MCC: variants seen among roughly 807,000 people sequenced by gnomAD.
The protein encoded by MCC is MCC regulator of Wnt signaling pathway.
A neutral mutation model predicts 116.2 loss-of-function variants in MCC; 90 were observed. The ratio of observed to expected loss-of-function variants is 0.77; its 90% CI spans 0.65 to 0.92. The LOEUF is 0.92. MCC is among the 40% of genes least tolerant of loss of function. The pLI, the probability that MCC is intolerant of heterozygous loss-of-function variation, is 0.00. For missense variants in MCC, 1,516 were observed against 1,312.2 expected, an observed-to-expected ratio of 1.16 and a Z score of -2.40; for synonymous variants, 578 against 510.5, an observed-to-expected ratio of 1.13 and a Z score of -1.78.
At chr5:113,209,808 C>G (rs754709939) in intron 3 of MCC, among the ~76,000 whole-genome samples, 1 of 152,018 alleles carries the variant, frequency 6.6e-6, no homozygotes, top group African/African-American at 2.4e-5. Flanking sequence ...TTGCATTCAT[C>G]TTATTTACTC....
intron 14 of MCC, among the ~76,000 whole-genome samples, chr5:113,057,461 A>G (rs1752909203): frequency 6.6e-6 from 1 of 151,472 alleles, no homozygotes; most frequent in Non-Finnish European, 1.5e-5. Flanking sequence ...GATAAAAATG[A>G]CTACTGATCA....
At chr5:113,241,118 G>C (rs1764347514) in intron 3 of MCC, among the ~76,000 whole-genome samples, 1 of 152,166 alleles carries the variant, frequency 6.6e-6, no homozygotes, top group Non-Finnish European at 1.5e-5. Flanking sequence ...AATAAGCTCT[G>C]AGCTATATGA....
chr5:113,340,764 C>T (rs765576085), intron 2 of MCC, 34 bp from the exon 3 acceptor site: 1 of 1,572,398 alleles, frequency 6.4e-7, no homozygotes, highest in Non-Finnish European at 8.7e-7. Flanking sequence ...AATGAAAAGA[C>T]ATTTCCTTCA....
intron 2 of MCC, among the ~76,000 whole-genome samples, chr5:113,383,646 C>T (rs187056646): frequency 7.6e-4 from 115 of 151,600 alleles, no homozygotes; most frequent in African/African-American, 2.7e-3. Context: ...GCCTTTTTTT[C>T]CCCGTGTTTT....
At chr5:113,067,984 T>G (rs1753739881) in intron 13 of MCC, 96 bp downstream of exon 13, 1 of 1,050,526 alleles carries the variant, frequency 9.5e-7, no homozygotes, top group South Asian at 1.3e-5. Context: ...AATTTTGTGT[T>G]GTCGGGAGAT....
intron 1 of MCC, chr5:113,433,725 C>A: frequency 6.2e-7 from 1 of 1,603,934 alleles, no homozygotes; most frequent in Non-Finnish European, 8.5e-7. Flanking sequence ...ATTCCCTGGG[C>A]CGCAAGAAGC....
rs566714108 is a variant in MCC at position 113,156,377 on chromosome 5, C to T, written c.628-4955G>A. On this transcript the variant is annotated intron_variant, in intron 3 of 18. Coordinates refer to ENST00000408903, the MANE Select transcript of MCC (RefSeq NM_001085377.2). ...ATGATGGCATCCAGAAAGTGACTAG[C>T]AGGGTGGCTGGAACCAGGTAAGCAC... is the stretch of plus-strand genomic sequence containing the variant. 2.6e-5 allele frequency among the ~76,000 whole-genome samples: 4 copies of T among 152,286 alleles called. No homozygotes were observed. In the East Asian group the frequency reaches 7.7e-4, roughly 29 times the overall value.
At chr5:113,379,876 T>C (rs1769074180) in intron 2 of MCC, among the ~76,000 whole-genome samples, 1 of 152,182 alleles carries the variant, frequency 6.6e-6, no homozygotes, top group Non-Finnish European at 1.5e-5. Flanking sequence ...ATTCTTCTTC[T>C]GGAGACTTTC....
intron 1 of MCC, among the ~76,000 whole-genome samples, chr5:113,466,043 T>G (rs1771894880): frequency 1.3e-5 from 2 of 152,192 alleles, no homozygotes; most frequent in East Asian, 3.9e-4. Context: ...TTCAAGCGAT[T>G]CCCCTGCCTC....
At chr5:113,030,259 C>T (rs551189559) in intron 17 of MCC, among the ~76,000 whole-genome samples, 58 of 152,266 alleles carry the variant, frequency 3.8e-4, no homozygotes, top group Non-Finnish European at 7.1e-4. Flanking sequence ...AAAGATACAT[C>T]ACTTATATTT....
chr5:113,244,536 TA>T (rs1290478752), intron 3 of MCC, among the ~76,000 whole-genome samples: 4 of 152,336 alleles, frequency 2.6e-5, no homozygotes, highest in Middle Eastern at 3.4e-3. Flanking sequence ...ATAACAGCTT[TA>T]AATAACATTT....
Position 113,467,126 on chromosome 5 carries a change from C to T in MCC, c.170+21119G>A, listed in dbSNP as rs1247591452. The stretch of plus-strand genomic sequence containing the variant: ...TAGGTTGCAAAAATTTTCTCCCATT[C>T]TGTAGGTTGCCTGTTCACTCTGATG... On this transcript the variant is annotated intron_variant, in intron 1 of 18. Transcript: ENST00000408903. Among the ~76,000 whole-genome samples the T allele has an allele frequency of 7.9e-5, 12 of 151,212 alleles. No individual in the cohort carries two copies. In the East Asian group the frequency reaches 2.1e-3, roughly 27 times the overall value.
At chr5:113,446,436 G>A (rs1771220853) in intron 1 of MCC, among the ~76,000 whole-genome samples, 1 of 152,070 alleles carries the variant, frequency 6.6e-6, no homozygotes, top group South Asian at 2.1e-4. Flanking sequence ...GTGGGCAAAA[G>A]ACAGAAACAG....
intron 8 of MCC, among the ~76,000 whole-genome samples, chr5:113,092,336 C>T (rs917494873): frequency 6.6e-6 from 1 of 152,168 alleles, no homozygotes; most frequent in Non-Finnish European, 1.5e-5. Context: ...TCAAAGGATG[C>T]AGGCTCCCTC....
At position 113,064,153 on chromosome 5, in the gene MCC, C is replaced by G; in HGVS notation, c.2044G>C (p.Asp682His). ...TTGAGCATCTGAGTGATGTTTTCAT[C>G]CCCCGACTGGTCTCCTATGTGGCAG... The part of the protein sequence containing the change: ...VGSSPGDQSG[D>H]ENITQMLKRA... Residue 682 changes from aspartate (D) to histidine (H), a missense_variant, in exon 14 of 19, where the codon GAT becomes CAT. Transcript: ENST00000408903. 6.2e-7 allele frequency: 1 copy of G among 1,611,692 alleles called. No individual in the cohort carries two copies. The highest frequency in any genetic ancestry group is 2.2e-5 in the East Asian group (1 of 44,852).
intron 2 of MCC, among the ~76,000 whole-genome samples, chr5:113,350,951 T>C (rs1481698168): frequency 6.6e-6 from 1 of 152,120 alleles, no homozygotes; most frequent in African/African-American, 2.4e-5. Context: ...ACATCATTGA[T>C]TATCAGAGCA....
chr5:113,442,923 C>T (rs1444394662), intron 1 of MCC, among the ~76,000 whole-genome samples: 1 of 152,166 alleles, frequency 6.6e-6, no homozygotes, highest in Admixed American at 6.5e-5. Context: ...AGTTTGAAGT[C>T]AGGTAGCGTG....
chr5:113,213,930 A>G (rs1474943692), intron 3 of MCC, among the ~76,000 whole-genome samples: 1 of 151,898 alleles, frequency 6.6e-6, no homozygotes, highest in Non-Finnish European at 1.5e-5. Context: ...TGCATCATTT[A>G]TTTTTTTTCT....
At chr5:113,467,586 G>A (rs1018395221) in intron 1 of MCC, among the ~76,000 whole-genome samples, 3 of 152,118 alleles carry the variant, frequency 2.0e-5, no homozygotes, top group African/African-American at 4.8e-5. Flanking sequence ...GGTTACTGTA[G>A]CCTTGTAGTA....
Sources: allele counts gnomAD v4.1 joint callset (sites outside exome capture counted in the v4.1 genomes callset), GRCh38; gene constraint gnomAD v4.1.1; transcripts MANE v1.5; gene names NCBI Gene and HGNC (gene_info 2026-07-23, HGNC 2026-07-21).